The following ZMYM4 variants were observed in gnomAD, a reference collection of about 807,000 sequenced individuals.
ZMYM4 encodes zinc finger MYM-type containing 4.
ZMYM4 carries 31 observed loss-of-function variants against 183.2 expected under a neutral mutation model. The observed-to-expected ratio is 0.17, with a 90% CI of 0.13 to 0.23. The LOEUF (loss-of-function observed/expected upper bound fraction) is 0.23, where lower values mean the gene tolerates loss of function less well. Among genes scored for constraint, ZMYM4 ranks in the 10% least tolerant of loss-of-function variants. The pLI, the probability that ZMYM4 is intolerant of heterozygous loss-of-function variation, is 1.00. For synonymous variants in ZMYM4, 592 were observed against 631.2 expected, an observed-to-expected ratio of 0.94 and a Z score of 0.93; for missense variants, 1,273 against 1,840.3, an observed-to-expected ratio of 0.69 and a Z score of 5.64.
chr1:35,402,674 T>C (rs1171051907), intron 23 of ZMYM4, among the ~76,000 whole-genome samples: 1 of 152,076 alleles, frequency 6.6e-6, no homozygotes, highest in African/African-American at 2.4e-5. Flanking sequence ...TATAGAAATA[T>C]AGATAATTTT....
intron 5 of ZMYM4, among the ~76,000 whole-genome samples, chr1:35,365,127 G>GCC (rs1369204948): frequency 6.6e-6 from 1 of 152,020 alleles, no homozygotes; most frequent in Non-Finnish European, 1.5e-5. Flanking sequence ...GTATAAGATG[G>GCC]CCAGAGTAGA....
intron 4 of ZMYM4, 86 bp downstream of exon 4, chr1:35,361,341 T>G: frequency 7.5e-7 from 1 of 1,331,824 alleles, no homozygotes; most frequent in Non-Finnish European, 1.0e-6. Flanking sequence ...TCTAACAATG[T>G]ATTAGGTAGA....
chr1:35,310,073 G>T (rs1641725723), intron 1 of ZMYM4, among the ~76,000 whole-genome samples: 1 of 151,686 alleles, frequency 6.6e-6, no homozygotes, highest in Admixed American at 6.6e-5. Flanking sequence ...TGAGATTAAG[G>T]CACCCACCAC....
At chr1:35,280,330 G>T (rs1640095913) in intron 1 of ZMYM4, among the ~76,000 whole-genome samples, 1 of 150,368 alleles carries the variant, frequency 6.7e-6, no homozygotes, top group African/African-American at 2.5e-5. Flanking sequence ...TAGAGATGGT[G>T]TTTTACCATG....
chr1:35,351,408 G>A, intron 2 of ZMYM4: 6 of 1,572,482 alleles, frequency 3.8e-6, no homozygotes, highest in South Asian at 2.2e-5. Context: ...AAAGAACAGC[G>A]TAACTCCAGA....
intron 2 of ZMYM4, chr1:35,350,655 C>A: frequency 4.3e-6 from 1 of 229,954 alleles, no homozygotes; most frequent in Non-Finnish European, 8.8e-6. Context: ...TGTGCCCTTC[C>A]CACTCCCAGC....
Position 35,268,961 on chromosome 1 carries a change from G to T in ZMYM4, c.-86G>T. 1 of 1,419,120 alleles carries T rather than the reference G, an allele frequency of 7.0e-7. No individual in the cohort carries two copies. Among genetic ancestry groups the T allele is most frequent in the Admixed American group, 2.8e-5 (1 of 35,790 alleles). 87.9% of individuals were successfully genotyped at this position (1,419,120 alleles called of 1,614,324 possible). A position where few individuals can be genotyped will look rare whatever the true frequency, so the allele number is the denominator to read the frequency against. ...GGGGAAGCTGCCGCGAGGCGGCCGT[G>T]CCTGCAGTGTGGGCGGGGGCCGGGG... On this transcript the variant is annotated 5_prime_UTR_variant, in exon 1 of 30. Coordinates refer to ENST00000314607, the MANE Select transcript of ZMYM4 (RefSeq NM_005095.3).
At chr1:35,372,794 G>A (rs1354223276) in intron 7 of ZMYM4, among the ~76,000 whole-genome samples, 3 of 152,140 alleles carry the variant, frequency 2.0e-5, no homozygotes, top group Non-Finnish European at 4.4e-5. Context: ...TCATGTTGGC[G>A]CTCAAAAAGT....
At chr1:35,411,833 T>C (rs1199463195) in intron 26 of ZMYM4, among the ~76,000 whole-genome samples, 2 of 152,172 alleles carry the variant, frequency 1.3e-5, no homozygotes, top group Non-Finnish European at 2.9e-5. Flanking sequence ...TTACATTTCT[T>C]CTCAAGTATT....
chr1:35,389,904 C>T lies in ZMYM4; in HGVS notation c.2437-44C>T. ...GTCTTATTTTTATTTTGTCAGACCACAGATAATTTGTTTCTTACTCCTTGA... is the reference window on the plus strand; with the variant it reads ...GTCTTATTTTTATTTTGTCAGACCATAGATAATTTGTTTCTTACTCCTTGA... On this transcript the variant is annotated intron_variant, in intron 14 of 29. Coordinates refer to ENST00000314607, the MANE Select transcript of ZMYM4 (RefSeq NM_005095.3). This position sits in a 1 kb window ranked among gnomAD's most constrained non-coding sequence, Gnocchi z 4.0. The T allele has an allele frequency of 1.9e-6, 3 of 1,571,762 alleles. No individual in the cohort carries two copies. Among genetic ancestry groups the T allele is most frequent in the Non-Finnish European group, 2.6e-6 (3 of 1,154,916 alleles).
chr1:35,407,345 T>C (rs2149029413), intron 25 of ZMYM4, among the ~76,000 whole-genome samples: 1 of 150,192 alleles, frequency 6.7e-6, no homozygotes, highest in Admixed American at 6.7e-5. Flanking sequence ...GATAGGAGAA[T>C]CACTTGAACC....
chr1:35,395,183 C>G (rs1644786103), intron 18 of ZMYM4, among the ~76,000 whole-genome samples: 1 of 147,052 alleles, frequency 6.8e-6, no homozygotes, highest in Non-Finnish European at 1.5e-5. Flanking sequence ...TAGCAAGGCT[C>G]TAAATGATTT....
chr1:35,398,380 ATAAAT>A (rs1343578166), intron 20 of ZMYM4, 28 bp from the exon 21 acceptor site: 1 of 1,592,282 alleles, frequency 6.3e-7, no homozygotes, highest in Non-Finnish European at 8.6e-7. Flanking sequence ...TTGTCTAAAC[ATAAAT>A]TATTTATGTG....
At chr1:35,302,702 T>A (rs184013678) in intron 1 of ZMYM4, among the ~76,000 whole-genome samples, 1 of 151,906 alleles carries the variant, frequency 6.6e-6, no homozygotes, top group Non-Finnish European at 1.5e-5. Flanking sequence ...ACTATTTTTT[T>A]GTAGAGATGG....
chr1:35,421,236 G>C lies in ZMYM4; in HGVS notation c.*1559G>C, dbSNP rs915933728. ...TGAAAAAAGTAGGCCTTCTGACATTGTGTACTTGGTGGTTCTGTCCCTCTG... is the reference window on the plus strand; with the variant it reads ...TGAAAAAAGTAGGCCTTCTGACATTCTGTACTTGGTGGTTCTGTCCCTCTG... On this transcript the variant is annotated 3_prime_UTR_variant, in exon 30 of 30. Coordinates refer to ENST00000314607, the MANE Select transcript of ZMYM4 (RefSeq NM_005095.3). 1 of 152,604 alleles carries C rather than the reference G, an allele frequency of 6.6e-6. No homozygotes were observed. The highest frequency in any genetic ancestry group is 2.4e-5 in the African/African-American group (1 of 41,444). 9.5% of individuals were successfully genotyped at this position (152,604 alleles called of 1,614,324 possible). A position where few individuals can be genotyped will look rare whatever the true frequency, so the allele number is the denominator to read the frequency against.
At chr1:35,295,286 G>T (rs984484414) in intron 1 of ZMYM4, among the ~76,000 whole-genome samples, 3 of 152,164 alleles carry the variant, frequency 2.0e-5, no homozygotes, top group African/African-American at 7.2e-5. Context: ...GAAGTCATAT[G>T]GGTATCTGAT....
chr1:35,356,614 C>G (rs527964164), intron 2 of ZMYM4, among the ~76,000 whole-genome samples: 2 of 152,284 alleles, frequency 1.3e-5, no homozygotes, highest in African/African-American at 4.8e-5. Context: ...ATTATTTACC[C>G]TCATACTGTT....
At chr1:35,412,441 TGAC>T (rs1639951323) in intron 26 of ZMYM4, among the ~76,000 whole-genome samples, 2 of 152,172 alleles carry the variant, frequency 1.3e-5, no homozygotes, top group Admixed American at 6.5e-5. Context: ...GGTACAGTGT[TGAC>T]GAAGAATGGC....
chr1:35,347,248 C>T (rs1570404422), intron 2 of ZMYM4, among the ~76,000 whole-genome samples: 1 of 152,314 alleles, frequency 6.6e-6, no homozygotes, highest in African/African-American at 2.4e-5. Flanking sequence ...CTCAGGTGAT[C>T]CACCGGCCTC....
Sources: allele counts gnomAD v4.1 joint callset (sites outside exome capture counted in the v4.1 genomes callset), GRCh38; gene constraint gnomAD v4.1.1; non-coding constraint Gnocchi (gnomAD v3.1); transcripts MANE v1.5; gene names NCBI Gene and HGNC (gene_info 2026-07-23, HGNC 2026-07-21).